MAML3: variants seen among roughly 807,000 people sequenced by gnomAD.
MAML3 encodes the protein mastermind-like protein 3.
In MAML3, 27 loss-of-function variants were observed where a neutral mutation model predicts 101.9. That is an observed-to-expected ratio of 0.27 (90% CI 0.20 to 0.37). The LOEUF is 0.37. Among genes scored for constraint, MAML3 ranks in the 10% least tolerant of loss-of-function variants. The probability of loss-of-function intolerance (pLI) is 1.00; values close to 1 mark genes in which losing one functional copy is unlikely to be tolerated. For synonymous variants in MAML3, 501 were observed against 555.9 expected (o/e 0.90, Z 1.39); for missense variants, 1,316 against 1,444.9 (o/e 0.91, Z 1.45).
At chr4:140,102,366 C>T (rs568755311) in intron 1 of MAML3, among the ~76,000 whole-genome samples, 76 of 152,152 alleles carry the variant, frequency 5.0e-4, no homozygotes, top group Non-Finnish European at 9.3e-4. Flanking sequence ...GCTTGAACAA[C>T]AGAAATTTAT....
chr4:139,928,302 T>C (rs886532978), intron 1 of MAML3, among the ~76,000 whole-genome samples: 1 of 152,228 alleles, frequency 6.6e-6, no homozygotes, highest in Non-Finnish European at 1.5e-5. Context: ...TTAGAAAATA[T>C]TAATTTGGCA....
chr4:140,015,475 G>T (rs977981334), intron 1 of MAML3, among the ~76,000 whole-genome samples: 2 of 152,114 alleles, frequency 1.3e-5, no homozygotes, highest in African/African-American at 4.8e-5. Context: ...GAAATGGAGA[G>T]AAACTTCCTC....
At chr4:140,102,671 C>T (rs1378629285) in intron 1 of MAML3, among the ~76,000 whole-genome samples, 7 of 152,126 alleles carry the variant, frequency 4.6e-5, no homozygotes, top group African/African-American at 1.4e-4. Flanking sequence ...ATGAATTTTG[C>T]AGGCACATGA....
chr4:140,111,391 G>T (rs1249722866), intron 1 of MAML3, among the ~76,000 whole-genome samples: 1 of 152,188 alleles, frequency 6.6e-6, no homozygotes, highest in Non-Finnish European at 1.5e-5. Flanking sequence ...TTTTCTACAG[G>T]ATATCACAGA....
At chr4:139,928,996 T>C (rs1264792019) in intron 1 of MAML3, among the ~76,000 whole-genome samples, 2 of 152,190 alleles carry the variant, frequency 1.3e-5, no homozygotes, top group East Asian at 3.8e-4. Flanking sequence ...ATAATCAATT[T>C]TGACAACAAA....
At chr4:139,835,402 C>A (rs139651539) in intron 2 of MAML3, among the ~76,000 whole-genome samples, 2,562 of 152,286 alleles carry the variant, frequency 0.017, 59 homozygotes, top group African/African-American at 0.056. Flanking sequence ...TTATTTGAGG[C>A]GTCCCGAGGC....
At chr4:140,095,996 C>G (rs963347122) in intron 1 of MAML3, among the ~76,000 whole-genome samples, 3 of 151,894 alleles carry the variant, frequency 2.0e-5, no homozygotes, top group East Asian at 1.9e-4. Flanking sequence ...ACACTGTGGG[C>G]TCCTGTTACA....
At chr4:139,938,090 C>T (rs1486978104) in intron 1 of MAML3, among the ~76,000 whole-genome samples, 2 of 152,190 alleles carry the variant, frequency 1.3e-5, no homozygotes, top group Non-Finnish European at 2.9e-5. Flanking sequence ...ATTTACATCC[C>T]TACTAAGTCT....
intron 2 of MAML3, among the ~76,000 whole-genome samples, chr4:139,834,434 G>C (rs898128204): frequency 2.5e-4 from 38 of 152,202 alleles, no homozygotes; most frequent in African/African-American, 9.2e-4. Flanking sequence ...ACGTAGACTG[G>C]GCCACTTCTG....
chr4:139,910,640 A>G (rs1380777422), intron 1 of MAML3, among the ~76,000 whole-genome samples: 1 of 152,208 alleles, frequency 6.6e-6, no homozygotes. Context: ...GAATGGAGAT[A>G]TTAGGTGTGA....
chr4:139,864,865 C>A (rs1451505584), intron 2 of MAML3, among the ~76,000 whole-genome samples: 1 of 115,212 alleles, frequency 8.7e-6, no homozygotes, highest in Admixed American at 1.1e-4. Context: ...GTAAGCTGAT[C>A]AGAAAAAAAG....
At chr4:140,064,751 C>T (rs1402669) in intron 1 of MAML3, among the ~76,000 whole-genome samples, 74,578 of 151,926 alleles carry the variant, frequency 0.49, 19,813 homozygotes, top group Non-Finnish European at 0.6. Flanking sequence ...CTTCTCTGTC[C>T]ACCTATCAGC....
At chr4:140,084,344 C>A (rs190431652) in intron 1 of MAML3, among the ~76,000 whole-genome samples, 50 of 152,306 alleles carry the variant, frequency 3.3e-4, no homozygotes, top group Non-Finnish European at 6.3e-4. Flanking sequence ...AAACTCTTCT[C>A]AACTATTTTT....
Position 140,023,860 on chromosome 4 carries a change from A to G in MAML3, c.468+129000T>C, listed in dbSNP as rs138302619. On this transcript the variant is annotated intron_variant, in intron 1 of 4. Transcript: ENST00000509479. ...GGATTGTCCCTAATATTGAAAATAT[A>G]TTACTGTCACACAGTTTCACAAAAT... is the stretch of plus-strand genomic sequence containing the variant. Among the ~76,000 whole-genome samples the G allele has an allele frequency of 6.0e-3, 913 of 152,356 alleles. 8 individuals carry two copies. Among genetic ancestry groups the G allele is most frequent in the Non-Finnish European group, 7.9e-3 (536 of 68,020 alleles).
chr4:139,938,470 T>G lies in MAML3; in HGVS notation c.469-47503A>C, dbSNP rs1733546334. Among the ~76,000 whole-genome samples, 4 of 152,210 alleles carry G rather than the reference T, an allele frequency of 2.6e-5. No homozygotes were observed. In the South Asian group the frequency reaches 8.3e-4, roughly 32 times the overall value. ...GCTTTTTACACTCATTCAAGCCACC[T>G]CTAGATCAGACAATCAGAAAACACA... On this transcript the variant is annotated intron_variant, in intron 1 of 4. Transcript: ENST00000509479.
intron 2 of MAML3, among the ~76,000 whole-genome samples, chr4:139,861,203 G>A (rs1731775425): frequency 6.6e-6 from 1 of 151,868 alleles, no homozygotes; most frequent in African/African-American, 2.4e-5. Context: ...CATACCTCCT[G>A]GATCACTTCT....
intron 1 of MAML3, among the ~76,000 whole-genome samples, chr4:140,040,153 A>G (rs536250948): frequency 3.6e-4 from 55 of 152,310 alleles, no homozygotes; most frequent in African/African-American, 1.3e-3. Flanking sequence ...AGAGACACAC[A>G]GGGAGAAGAA....
At chr4:139,903,707 C>T (rs775494483) in intron 1 of MAML3, among the ~76,000 whole-genome samples, 1 of 152,140 alleles carries the variant, frequency 6.6e-6, no homozygotes, top group African/African-American at 2.4e-5. Context: ...TAACCATCTA[C>T]CAGCAAAGGG....
At chr4:140,138,613 C>T (rs1474222685) in intron 1 of MAML3, among the ~76,000 whole-genome samples, 1 of 152,080 alleles carries the variant, frequency 6.6e-6, no homozygotes, top group Non-Finnish European at 1.5e-5. Context: ...TAAAGACAAA[C>T]GCCACCTGCA....
Sources: allele counts gnomAD v4.1 joint callset (sites outside exome capture counted in the v4.1 genomes callset), GRCh38; gene constraint gnomAD v4.1.1; transcripts MANE v1.5; gene names NCBI Gene and HGNC (gene_info 2026-07-23, HGNC 2026-07-21).